Variants in SNX17 observed in about 807,000 individuals in gnomAD.
SNX17 encodes the protein sorting nexin 17.
A neutral mutation model predicts 64.3 loss-of-function variants in SNX17; 35 were observed. That is an observed-to-expected ratio of 0.54 (90% confidence interval 0.42 to 0.72). The LOEUF (loss-of-function observed/expected upper bound fraction) is 0.72, where lower values mean the gene tolerates loss of function less well. SNX17 is among the 30% of genes least tolerant of loss of function. The pLI, the probability that SNX17 is intolerant of heterozygous loss-of-function variation, is 0.00. For synonymous variants in SNX17, 259 were observed against 230.2 expected, an observed-to-expected ratio of 1.13 and a Z score of -1.13; for missense variants, 538 against 610.0, an observed-to-expected ratio of 0.88 and a Z score of 1.24.
intron 2 of SNX17, among the ~76,000 whole-genome samples, chr2:27,371,811 C>T (rs1479629182): frequency 6.6e-6 from 1 of 152,212 alleles, no homozygotes; most frequent in Non-Finnish European, 1.5e-5. Context: ...TCTCCTCCTT[C>T]CTTACCAGAT....
intron 1 of SNX17, 51 bp downstream of exon 1, chr2:27,370,857 G>T: frequency 6.6e-7 from 1 of 1,520,036 alleles, no homozygotes. Flanking sequence ...GGGATAACGG[G>T]CCCGAGCCAT....
In SNX17 at chr2:27,376,783, G is replaced by C. The variant is rs1050411220; in HGVS notation, c.*64G>C. ...ATTTACAGAAACTTGCCCTGTGCCT[G>C]TGTCCCCCATGCTAGGGGCGGAGGG... On this transcript the variant is annotated 3_prime_UTR_variant, in exon 15 of 15. Coordinates refer to ENST00000233575, the MANE Select transcript of SNX17 (RefSeq NM_014748.4). 2 of 1,405,452 alleles carry C rather than the reference G, an allele frequency of 1.4e-6. No individual in the cohort carries two copies. The highest frequency in any genetic ancestry group is 2.8e-5 in the African/African-American group (2 of 71,056). The allele number at this position is 1,405,452 out of a possible 1,614,324, so 87.1% of individuals were successfully genotyped here.
Position 27,377,265 on chromosome 2 carries a change from T to C in SNX17, c.*546T>C. 1.7e-6 allele frequency: 1 copy of C among 595,540 alleles called. No homozygotes were observed. Among genetic ancestry groups the C allele is most frequent in the Non-Finnish European group, 3.0e-6 (1 of 332,930 alleles). 36.9% of individuals were successfully genotyped at this position (595,540 alleles called of 1,614,324 possible). On this transcript the variant is annotated 3_prime_UTR_variant, in exon 15 of 15. Coordinates refer to ENST00000233575, the MANE Select transcript of SNX17 (RefSeq NM_014748.4). This position sits in a 1 kb window ranked among gnomAD's most constrained non-coding sequence, Gnocchi z 4.4. ...TAGTGTTTCCTTTATTATAAAGCAC[T>C]GAAATAAGTTAAATAAACAGGTGGG...
intron 2 of SNX17, 177 bp downstream of exon 2, chr2:27,371,520 T>G (rs987481952): frequency 7.6e-7 from 1 of 1,309,730 alleles, no homozygotes; most frequent in African/African-American, 1.5e-5. Context: ...CCTAAGAAGC[T>G]TAATGTCCGC....
At position 27,375,033 on chromosome 2, in the gene SNX17, T is replaced by A. The variant is rs1291189091; in HGVS notation, c.682-28T>A. The A allele has an allele frequency of 2.5e-6, 4 of 1,601,952 alleles. No homozygotes were observed. In the South Asian group the frequency reaches 4.4e-5, roughly 18 times the overall value. On this transcript the variant is annotated intron_variant, in intron 8 of 14. Transcript: ENST00000233575. This position sits in a 1 kb window ranked among gnomAD's most constrained non-coding sequence, Gnocchi z 4.1. ...CCTTGGATTGCTGACTGGGACCTCC[T>A]ACTGCCTGCCCCTTGTCTCTACTAT...
At chr2:27,370,908 C>G (rs1258018065) in intron 1 of SNX17, 102 bp downstream of exon 1, 38 of 1,353,812 alleles carry the variant, frequency 2.8e-5, no homozygotes, top group Non-Finnish European at 3.6e-5. Flanking sequence ...CCCTTCGGGC[C>G]TGGTCCTGGG....
intron 13 of SNX17, 43 bp from the exon 14 acceptor site, chr2:27,376,436 C>T: frequency 1.9e-6 from 3 of 1,613,914 alleles, no homozygotes; most frequent in Non-Finnish European, 2.5e-6. Context: ...CCTGCCTCAC[C>T]TCTCCTAGTG....
chr2:27,376,631 G>C lies in SNX17; in HGVS notation c.1325G>C (p.Arg442Pro). 1.2e-6 allele frequency: 2 copies of C among 1,614,186 alleles called. No individual in the cohort carries two copies. Among genetic ancestry groups the C allele is most frequent in the South Asian group, 2.2e-5 (2 of 91,082 alleles). Residue 442 changes from arginine (R) to proline (P), a missense_variant, in exon 15 of 15, where the codon CGG becomes CCG. Arg to Pro is a moderately radical substitution (Grantham distance 103). Coordinates refer to ENST00000233575, the MANE Select transcript of SNX17 (RefSeq NM_014748.4). The stretch of plus-strand genomic sequence containing the variant: ...AGTAAGCTGAGTGCCGTGAGCTTGC[G>C]GGGAATTGGCAGTCCCAGCACAGAT... ...LSSKLSAVSL[R>P]GIGSPSTDAS...
Position 27,370,716 on chromosome 2 carries a change from A to G in SNX17, c.-28A>G, listed in dbSNP as rs113964476. The G allele has an allele frequency of 7.9e-5, 122 of 1,540,598 alleles. 1 individual carries two copies. Among genetic ancestry groups the G allele is most frequent in the Non-Finnish European group, 9.8e-5 (112 of 1,140,690 alleles). The stretch of plus-strand genomic sequence containing the variant: ...AGCCGCTGCGGCCCTCACAGTCCGG[A>G]GCCCGGCCGTGCCGTGCCGTAGGGA... On this transcript the variant is annotated 5_prime_UTR_variant, in exon 1 of 15. Transcript: ENST00000233575.
At chr2:27,376,070 C>T (rs1683179993) in intron 11 of SNX17, 36 bp from the exon 12 acceptor site, 2 of 1,613,734 alleles carry the variant, frequency 1.2e-6, no homozygotes, top group African/African-American at 1.3e-5. Flanking sequence ...TCAGAGTGAC[C>T]ACTCTCATCA....
Position 27,376,677 on chromosome 2 carries a change from C to T in SNX17, c.1371C>T (p.His457=), listed in dbSNP as rs747954648. 5.0e-5 allele frequency: 81 copies of T among 1,614,044 alleles called. No individual in the cohort carries two copies. Among genetic ancestry groups the T allele is most frequent in the South Asian group, 1.8e-4 (16 of 91,088 alleles). The change falls in exon 15 of 15, where the codon CAC becomes CAT. Residue 457 remains histidine (H), a synonymous_variant. Coordinates refer to ENST00000233575, the MANE Select transcript of SNX17 (RefSeq NM_014748.4). ...CAGATGCCAGTGCCAGTGATGTCCACGGCAATTTCGCCTTCGAGGGCATTG... is the reference window on the plus strand; with the variant it reads ...CAGATGCCAGTGCCAGTGATGTCCATGGCAATTTCGCCTTCGAGGGCATTG... The part of the protein sequence containing the change: ...PSTDASASDV[H]GNFAFEGIGD...
At chr2:27,374,528 G>A in intron 7 of SNX17, 95 bp downstream of exon 7, 2 of 1,309,676 alleles carry the variant, frequency 1.5e-6, no homozygotes, top group South Asian at 1.2e-5. Context: ...GGACAAGGGG[G>A]TGTAGTGCTG....
intron 2 of SNX17, 79 bp from the exon 3 acceptor site, chr2:27,372,544 G>A: frequency 6.2e-7 from 1 of 1,605,370 alleles, no homozygotes; most frequent in Non-Finnish European, 8.5e-7. Context: ...GCACCCAAGA[G>A]AACATTATGA....
At chr2:27,374,270 C>T (rs1445421791) in intron 6 of SNX17, 76 bp from the exon 7 acceptor site, 1 of 1,343,868 alleles carries the variant, frequency 7.4e-7, no homozygotes, top group Admixed American at 1.7e-5. Flanking sequence ...ATGAACATTG[C>T]CTCAGGGCAC....
intron 3 of SNX17, 152 bp downstream of exon 3, chr2:27,372,892 C>T (rs572274841): frequency 1.3e-5 from 16 of 1,232,446 alleles, no homozygotes; most frequent in African/African-American, 3.0e-5. Flanking sequence ...AAATAGTGTA[C>T]GAGGATGTGT....
chr2:27,373,673 A>T (rs1444942246), intron 4 of SNX17, among the ~76,000 whole-genome samples, 188 bp from the exon 5 acceptor site: 1 of 152,204 alleles, frequency 6.6e-6, no homozygotes, highest in Non-Finnish European at 1.5e-5. Context: ...AGGCCATGTC[A>T]TCTTAATAAC....
chr2:27,375,514 A>T lies in SNX17; in HGVS notation c.783A>T (p.Arg261Ser), dbSNP rs1310009773. The change falls in exon 10 of 15, where the codon AGA becomes AGT. Residue 261 changes from arginine (R) to serine (S), a missense_variant. By Grantham distance (110) the Arg-to-Ser change is moderately radical. Coordinates refer to ENST00000233575, the MANE Select transcript of SNX17 (RefSeq NM_014748.4). The surrounding 1 kb of genome is among the most constrained non-coding windows in gnomAD (Gnocchi z 4.1). Reference sequence around the variant, plus strand: ...TGATGACCATTTTTCAGTTCCTGAGACTGGCCCAGACGCTGCGGCACTATG... The same window carrying T: ...TGATGACCATTTTTCAGTTCCTGAGTCTGGCCCAGACGCTGCGGCACTATG... ...QEKVSKKEFL[R>S]LAQTLRHYGY... The T allele has an allele frequency of 6.2e-7, 1 of 1,613,904 alleles. No individual in the cohort carries two copies. Among genetic ancestry groups the T allele is most frequent in the Non-Finnish European group, 8.5e-7 (1 of 1,180,022 alleles).
rs1558308121 is a variant in SNX17 at position 27,376,539 on chromosome 2, G to A, written c.1299+19G>A. On this transcript the variant is annotated intron_variant, in intron 14 of 14. Coordinates refer to ENST00000233575, the MANE Select transcript of SNX17 (RefSeq NM_014748.4). ...ACTCTCAGTGAGTTCCAGCGTTGGT[G>A]AGGTTGCTGTTTGTTGGGGGATCTT... 6.2e-7 allele frequency: 1 copy of A among 1,614,184 alleles called. No homozygotes were observed. The highest frequency in any genetic ancestry group is 8.5e-7 in the Non-Finnish European group (1 of 1,180,030).
intron 13 of SNX17, 33 bp downstream of exon 13, chr2:27,376,420 C>T (rs759840772): frequency 6.2e-7 from 1 of 1,614,070 alleles, no homozygotes; most frequent in Non-Finnish European, 8.5e-7. Context: ...AACCCTGGCT[C>T]TCAGCCCTGC....
Sources: gnomAD v4.1 joint callset for allele counts (sites outside exome capture counted in the v4.1 genomes callset) on GRCh38, gnomAD v4.1.1 for gene constraint, Gnocchi (gnomAD v3.1) non-coding constraint, MANE v1.5 for transcripts, NCBI Gene and HGNC (gene_info 2026-07-23, HGNC 2026-07-21) for gene names.